Variants in ASCL5 observed in about 807,000 individuals in gnomAD.
ASCL5 encodes achaete-scute family bHLH transcription factor 5, also known as achaete-scute homolog 5.
For missense variants in ASCL5, 262 were observed against 268.9 expected, an observed-to-expected ratio of 0.97 and a Z score of 0.18; for synonymous variants, 124 against 131.5, an observed-to-expected ratio of 0.94 and a Z score of 0.39.
At chr1:201,119,142 T>C (rs1558095032) in intron 1 of ASCL5, among the ~76,000 whole-genome samples, 1 of 152,238 alleles carries the variant, frequency 6.6e-6, no homozygotes, top group Non-Finnish European at 1.5e-5. Context: ...TGCTGTTATT[T>C]AGCTTCTGCT....
chr1:201,121,660 T>G (rs1663465697), intron 1 of ASCL5, among the ~76,000 whole-genome samples: 1 of 151,992 alleles, frequency 6.6e-6, no homozygotes. Context: ...AGAGACCCTA[T>G]CTCTACTAAA....
rs981204893 is a variant in ASCL5, at chr1:201,124,728, G to C, written c.-506+2356C>G. Among the ~76,000 whole-genome samples the C allele has an allele frequency of 9.8e-5, 15 of 152,292 alleles. 1 individual carries two copies. Among genetic ancestry groups the C allele is most frequent in the Admixed American group, 9.2e-4 (14 of 15,298 alleles). ...CCCGTAATGAGGGAAGGAGATTCAT[G>C]AACCAACATTGTTCAGCACTTGTGA... On this transcript the variant is annotated intron_variant, in intron 1 of 1. Transcript: ENST00000449188.
chr1:201,122,147 G>T (rs985017122), intron 1 of ASCL5, among the ~76,000 whole-genome samples: 17 of 152,296 alleles, frequency 1.1e-4, no homozygotes, highest in African/African-American at 3.8e-4. Context: ...AGCCCCACTT[G>T]CCCCCTTAGC....
At chr1:201,118,585 C>T (rs2102200201) in intron 1 of ASCL5, among the ~76,000 whole-genome samples, 1 of 152,084 alleles carries the variant, frequency 6.6e-6, no homozygotes, top group South Asian at 2.1e-4. Flanking sequence ...TCACTGAATA[C>T]CAGAAGCTGA....
chr1:201,118,737 T>G (rs755510193), intron 1 of ASCL5, among the ~76,000 whole-genome samples: 1 of 152,166 alleles, frequency 6.6e-6, no homozygotes, highest in Non-Finnish European at 1.5e-5. Context: ...ATAATAATAA[T>G]GATAATCATA....
Position 201,114,607 on chromosome 1 carries a change from G to T in ASCL5, c.*145C>A. 3.0e-6 allele frequency: 2 copies of T among 657,484 alleles called. No individual in the cohort carries two copies. The highest frequency in any genetic ancestry group is 4.3e-6 in the Non-Finnish European group (2 of 466,780). The allele number at this position is 657,484 out of a possible 1,614,324, so 40.7% of individuals were successfully genotyped here. A position where few individuals can be genotyped will look rare whatever the true frequency, so the allele number is the denominator to read the frequency against. On this transcript the variant is annotated 3_prime_UTR_variant, in exon 2 of 2. Transcript: ENST00000449188. ...GCCCCAAGCTGGTGGAGGAGGGAGG[G>T]TGTCGCAGACACGGGAGCGCCGCGG...
chr1:201,124,883 G>T (rs1306742451), intron 1 of ASCL5, among the ~76,000 whole-genome samples: 1 of 152,172 alleles, frequency 6.6e-6, no homozygotes, highest in African/African-American at 2.4e-5. Flanking sequence ...CCATGGCCCT[G>T]GTTCTCCACT....
At chr1:201,123,869 G>A (rs754334984) in intron 1 of ASCL5, among the ~76,000 whole-genome samples, 20 of 152,190 alleles carry the variant, frequency 1.3e-4, no homozygotes, top group Non-Finnish European at 2.8e-4. Context: ...GCCTTTCGGG[G>A]AGTAGAAATA....
At chr1:201,122,419 G>C (rs1663501313) in intron 1 of ASCL5, among the ~76,000 whole-genome samples, 1 of 152,156 alleles carries the variant, frequency 6.6e-6, no homozygotes, top group Non-Finnish European at 1.5e-5. Flanking sequence ...CGTGGATTAG[G>C]TGCCCTCTGA....
In ASCL5 at chr1:201,115,296, A is replaced by G. The variant is rs1372567346; in HGVS notation, c.77T>C (p.Met26Thr). The change falls in exon 2 of 2, where the codon ATG (methionine) becomes ACG (threonine). Residue 26 changes from methionine (M) to threonine (T), a missense_variant. Transcript: ENST00000449188. The stretch of plus-strand genomic sequence containing the variant: ...CAGGGGCGCCTGCCGGGGAGGGGGC[A>G]TGACGCCCAGCTGCATGCAGCTGGG... The part of the protein sequence containing the change: ...GPPSCMQLGV[M>T]PPPRQAPLPP... 4 of 1,230,120 alleles carry G rather than the reference A, an allele frequency of 3.3e-6. No homozygotes were observed. Among genetic ancestry groups the G allele is most frequent in the Non-Finnish European group, 4.1e-6 (4 of 986,772 alleles). 76.2% of individuals were successfully genotyped at this position (1,230,120 alleles called of 1,614,324 possible).
Position 201,114,830 on chromosome 1 carries a change from G to A in ASCL5, c.543C>T (p.Ser181=). 1.6e-6 allele frequency: 2 copies of A among 1,230,636 alleles called. No individual in the cohort carries two copies. The highest frequency in any genetic ancestry group is 4.1e-5 in the South Asian group (1 of 24,316). The allele number at this position is 1,230,636 out of a possible 1,614,324, so 76.2% of individuals were successfully genotyped here. The change falls in exon 2 of 2, where the codon TCC becomes TCT. Residue 181 remains serine, a synonymous_variant. Transcript: ENST00000449188. ...RPGDGEARAP[S]SLVPESSESS... is the part of the protein sequence containing the mutation. ...ACTCGGATGACTCCGGCACCAGGGA[G>A]GAGGGCGCCCGGGCCTCGCCGTCGC...
intron 1 of ASCL5, among the ~76,000 whole-genome samples, chr1:201,126,669 CACA>C (rs1228400029): frequency 6.6e-6 from 1 of 152,162 alleles, no homozygotes; most frequent in Non-Finnish European, 1.5e-5. Flanking sequence ...CCTGTGGTCC[CACA>C]ACAATTAAGT....
chr1:201,126,587 AG>A, intron 1 of ASCL5, among the ~76,000 whole-genome samples: 1 of 152,238 alleles, frequency 6.6e-6, no homozygotes, highest in Non-Finnish European at 1.5e-5. Context: ...ATTCTCACAT[AG>A]TGCTGTGAGC....
At chr1:201,120,676 T>C (rs761750019) in intron 1 of ASCL5, among the ~76,000 whole-genome samples, 8 of 152,206 alleles carry the variant, frequency 5.3e-5, no homozygotes, top group Non-Finnish European at 1.2e-4. Context: ...ACAACATAAT[T>C]CTACCTTTCA....
chr1:201,114,551 G>T lies in ASCL5; in HGVS notation c.*201C>A. 4.9e-6 allele frequency: 2 copies of T among 410,552 alleles called. No individual in the cohort carries two copies. The highest frequency in any genetic ancestry group is 8.2e-6 in the Non-Finnish European group (2 of 243,540). 25.4% of individuals were successfully genotyped at this position (410,552 alleles called of 1,614,324 possible). A position where few individuals can be genotyped will look rare whatever the true frequency, so the allele number is the denominator to read the frequency against. ...CCCACGGAGCTCCTAGGTCTCTATCGTGCCCATCGTACCCGCTGCCCTGCA... is the reference window on the plus strand; with the variant it reads ...CCCACGGAGCTCCTAGGTCTCTATCTTGCCCATCGTACCCGCTGCCCTGCA... On this transcript the variant is annotated 3_prime_UTR_variant, in exon 2 of 2. Coordinates refer to ENST00000449188, the MANE Select transcript of ASCL5 (RefSeq NM_001270601.2).
intron 1 of ASCL5, among the ~76,000 whole-genome samples, chr1:201,121,570 C>G (rs191245236): frequency 6.6e-6 from 1 of 152,108 alleles, no homozygotes; most frequent in African/African-American, 2.4e-5. Flanking sequence ...ATTAAGCAGG[C>G]CATCTTTTTA....
rs1229285992 is a variant in ASCL5 at position 201,114,136 on chromosome 1, A to G, written c.*616T>C. The G allele has an allele frequency of 6.6e-6, 1 of 152,218 alleles. No individual in the cohort carries two copies. The highest frequency in any genetic ancestry group is 2.4e-5 in the African/African-American group (1 of 41,420). The allele number at this position is 152,218 out of a possible 1,614,324, so 9.4% of individuals were successfully genotyped here. ...GGGGAGGGAGTAACCCCCCCTCCCA[A>G]CCCAGGAAGCCAGAGAACGCCACCG... is the stretch of plus-strand genomic sequence containing the variant. On this transcript the variant is annotated 3_prime_UTR_variant, in exon 2 of 2. Transcript: ENST00000449188.
rs928360431 is a variant in ASCL5 at position 201,114,365 on chromosome 1, T to A, written c.*387A>T. On this transcript the variant is annotated 3_prime_UTR_variant, in exon 2 of 2. Transcript: ENST00000449188. ...AAAGTCGGGCTCGCATCCCGGGGAC[T>A]CGCAGAGACTGGACTGCGCCTGCGG... 5.7e-6 allele frequency: 1 copy of A among 175,924 alleles called. No homozygotes were observed. The highest frequency in any genetic ancestry group is 1.2e-5 in the Non-Finnish European group (1 of 84,072). The allele number at this position is 175,924 out of a possible 1,614,324, so 10.9% of individuals were successfully genotyped here.
Position 201,114,947 on chromosome 1 carries a change from G to C in ASCL5, c.426C>G (p.Ala142=). ...IKYLQELLSS[A]PDGSTPPASR... is the part of the protein sequence containing the mutation. The stretch of plus-strand genomic sequence containing the variant: ...AAGCGGGGGGCGTCGAGCCGTCGGG[G>C]GCCGAGCTCAGCAGCTCTTGCAGGT... The change falls in exon 2 of 2, where the codon GCC becomes GCG. Residue 142 remains alanine, a synonymous_variant. Coordinates refer to ENST00000449188, the MANE Select transcript of ASCL5 (RefSeq NM_001270601.2). 2 of 1,231,340 alleles carry C rather than the reference G, an allele frequency of 1.6e-6. No homozygotes were observed. The highest frequency in any genetic ancestry group is 2.0e-6 in the Non-Finnish European group (2 of 987,762). The allele number at this position is 1,231,340 out of a possible 1,614,324, so 76.3% of individuals were successfully genotyped here. A position where few individuals can be genotyped will look rare whatever the true frequency, so the allele number is the denominator to read the frequency against.
Sources: allele counts gnomAD v4.1 joint callset (sites outside exome capture counted in the v4.1 genomes callset), GRCh38; gene constraint gnomAD v4.1.1; transcripts MANE v1.5; gene names NCBI Gene and HGNC (gene_info 2026-07-23, HGNC 2026-07-21).